Variants in SPPL3 observed in about 807,000 individuals in gnomAD.
SPPL3 encodes signal peptide peptidase like 3.
Under a neutral mutation model 42.4 loss-of-function variants are expected in SPPL3, and 5 were observed. That is an observed-to-expected ratio of 0.12 (90% confidence interval 0.06 to 0.25). The LOEUF is 0.25. SPPL3 is among the 10% of genes least tolerant of loss of function. SPPL3 has a pLI of 1.00. For synonymous variants in SPPL3, 195 were observed against 181.8 expected (o/e 1.07, Z -0.58); for missense variants, 235 against 489.0 (o/e 0.48, Z 4.90).
intron 1 of SPPL3, among the ~76,000 whole-genome samples, chr12:120,873,199 C>T (rs1445484489): frequency 6.6e-6 from 1 of 152,110 alleles, no homozygotes; most frequent in East Asian, 1.9e-4. Context: ...AGAGTAACAG[C>T]AGATGAGACC....
chr12:120,807,569 G>A (rs777337631), intron 2 of SPPL3, among the ~76,000 whole-genome samples: 65 of 152,032 alleles, frequency 4.3e-4, no homozygotes, highest in Non-Finnish European at 7.8e-4. Context: ...AACTACTCGG[G>A]AGGCTGAGGC....
intron 6 of SPPL3, among the ~76,000 whole-genome samples, chr12:120,777,128 C>G (rs1274043244): frequency 6.6e-6 from 1 of 152,184 alleles, no homozygotes; most frequent in Admixed American, 6.5e-5. Flanking sequence ...AAACAGCCAA[C>G]TTACATGCAC....
intron 6 of SPPL3, among the ~76,000 whole-genome samples, chr12:120,775,754 T>TAA (rs1471786747): frequency 1.3e-5 from 2 of 152,198 alleles, no homozygotes; most frequent in Admixed American, 1.3e-4. Flanking sequence ...TGAGAGTAGA[T>TAA]AAAACAGCCC....
rs181245465 is a variant in SPPL3, at chr12:120,885,655, C to T, written c.23+18190G>A. On this transcript the variant is annotated intron_variant, in intron 1 of 10. Coordinates refer to ENST00000353487, the MANE Select transcript of SPPL3 (RefSeq NM_139015.5). ...TCACTGGAGCACTGATCAGCTATCC[C>T]TATCTTCAACCATCCTTGAGGCAAT... Among the ~76,000 whole-genome samples, 3 of 152,150 alleles carry T rather than the reference C, an allele frequency of 2.0e-5. No individual in the cohort carries two copies. In the East Asian group the frequency reaches 5.8e-4, roughly 29 times the overall value.
At chr12:120,770,385 C>G (rs1367691036) in intron 6 of SPPL3, among the ~76,000 whole-genome samples, 2 of 152,090 alleles carry the variant, frequency 1.3e-5, no homozygotes, top group East Asian at 3.9e-4. Context: ...TTCTGTGCTT[C>G]TCTATTGCAG....
intron 1 of SPPL3, among the ~76,000 whole-genome samples, chr12:120,900,923 C>CAAAAAAAA: frequency 9.8e-6 from 1 of 101,526 alleles, no homozygotes; most frequent in Non-Finnish European, 2.0e-5. Context: ...CCCTGTCTCA[C>CAAAAAAAA]AAAAAAAAAA....
Position 120,903,880 on chromosome 12 carries a change from C to T in SPPL3, c.-13G>A. On this transcript the variant is annotated 5_prime_UTR_variant, in exon 1 of 11. Coordinates refer to ENST00000353487, the MANE Select transcript of SPPL3 (RefSeq NM_139015.5). ...TCTGCTCCGCCATGGCGCTGCCTCT[C>T]GTGGGCTCCGCTGCAGGCTGTGGCC... The T allele has an allele frequency of 6.9e-7, 1 of 1,439,336 alleles. No individual in the cohort carries two copies. Among genetic ancestry groups the T allele is most frequent in the Non-Finnish European group, 9.1e-7 (1 of 1,098,184 alleles). 89.2% of individuals were successfully genotyped at this position (1,439,336 alleles called of 1,614,324 possible).
chr12:120,829,946 A>G (rs1871344565), intron 1 of SPPL3, among the ~76,000 whole-genome samples: 1 of 151,138 alleles, frequency 6.6e-6, no homozygotes, highest in African/African-American at 2.4e-5. Context: ...GTGAGCTGAG[A>G]TCGCACCATT....
chr12:120,797,573 A>G (rs1870146737), intron 2 of SPPL3, among the ~76,000 whole-genome samples: 1 of 152,252 alleles, frequency 6.6e-6, no homozygotes, highest in African/African-American at 2.4e-5. Flanking sequence ...CTTGGCTGGA[A>G]GTACAAGTGG....
intron 2 of SPPL3, among the ~76,000 whole-genome samples, chr12:120,795,447 T>G (rs581515): frequency 0.098 from 14,989 of 152,270 alleles, 1,594 homozygotes; most frequent in African/African-American, 0.27. Flanking sequence ...GTGTATGGTA[T>G]GTCAAAAACA....
At position 120,881,430 on chromosome 12, in the gene SPPL3, A is replaced by G. The variant is rs555954136; in HGVS notation, c.23+22415T>C. On this transcript the variant is annotated intron_variant, in intron 1 of 10. Coordinates refer to ENST00000353487, the MANE Select transcript of SPPL3 (RefSeq NM_139015.5). Reference sequence around the variant, plus strand: ...TTGCAGTGAGCCAAGACAGCGCCACAGAACTCCAGCCTGGGCAAAAGAGTG... The same window carrying G: ...TTGCAGTGAGCCAAGACAGCGCCACGGAACTCCAGCCTGGGCAAAAGAGTG... Among the ~76,000 whole-genome samples, 10 of 144,412 alleles carry G rather than the reference A, an allele frequency of 6.9e-5. No individual in the cohort carries two copies. In the South Asian group the frequency reaches 2.3e-3, roughly 34 times the overall value. 94.7% of individuals were successfully genotyped at this position (144,412 alleles called of 152,430 possible). A position where few individuals can be genotyped will look rare whatever the true frequency, so the allele number is the denominator to read the frequency against.
chr12:120,770,543 CA>C (rs1477875751), intron 6 of SPPL3, among the ~76,000 whole-genome samples: 13 of 152,198 alleles, frequency 8.5e-5, no homozygotes, highest in African/African-American at 3.1e-4. Flanking sequence ...TTGCTAGACA[CA>C]GTAATCGACC....
intron 1 of SPPL3, among the ~76,000 whole-genome samples, chr12:120,901,516 G>A (rs979784078): frequency 1.3e-5 from 2 of 151,250 alleles, no homozygotes; most frequent in Non-Finnish European, 2.9e-5. Context: ...GCTTGCACCC[G>A]GGAAGCGGAG....
At chr12:120,832,802 T>C (rs1871471744) in intron 1 of SPPL3, among the ~76,000 whole-genome samples, 1 of 152,218 alleles carries the variant, frequency 6.6e-6, no homozygotes, top group Admixed American at 6.5e-5. Context: ...GAGGCCTGTT[T>C]CCATACTGTA....
chr12:120,765,111 G>A, intron 10 of SPPL3, 41 bp from the exon 11 acceptor site: 2 of 1,601,444 alleles, frequency 1.2e-6, no homozygotes, highest in Admixed American at 1.7e-5. Context: ...ATTTAAACAT[G>A]AGGCACACAC....
chr12:120,887,057 T>C (rs1186702669), intron 1 of SPPL3, among the ~76,000 whole-genome samples: 1 of 151,676 alleles, frequency 6.6e-6, no homozygotes, highest in Non-Finnish European at 1.5e-5. Flanking sequence ...CACTGCAACC[T>C]CTGCCTCCCA....
chr12:120,789,454 A>AAAAAAAAAG (rs1373209725), intron 3 of SPPL3, among the ~76,000 whole-genome samples: 1 of 151,098 alleles, frequency 6.6e-6, no homozygotes, highest in Admixed American at 6.6e-5. Context: ...TCTGTCTCAA[A>AAAAAAAAAG]AAAAAAAAGA....
At position 120,802,166 on chromosome 12, in the gene SPPL3, C is replaced by T. The variant is rs573361397; in HGVS notation, c.101+8643G>A. On this transcript the variant is annotated intron_variant, in intron 2 of 10. Coordinates refer to ENST00000353487, the MANE Select transcript of SPPL3 (RefSeq NM_139015.5). ...TTTCTGAGGAAGATTCTAGGCCTGC[C>T]TTTAGGAACTTCCACTGCCTGCCTC... Among the ~76,000 whole-genome samples the T allele has an allele frequency of 2.2e-4, 33 of 151,900 alleles. No individual in the cohort carries two copies. In the South Asian group the frequency reaches 6.4e-3, roughly 30 times the overall value.
chr12:120,826,553 C>G (rs2137013423), intron 1 of SPPL3, among the ~76,000 whole-genome samples: 1 of 152,248 alleles, frequency 6.6e-6, no homozygotes, highest in South Asian at 2.1e-4. Context: ...CAAACAGTGC[C>G]AGGGGAAACC....
Sources: gnomAD v4.1 joint callset for allele counts (sites outside exome capture counted in the v4.1 genomes callset) on GRCh38, gnomAD v4.1.1 for gene constraint, MANE v1.5 for transcripts, NCBI Gene and HGNC (gene_info 2026-07-23, HGNC 2026-07-21) for gene names.